GALNT1: variants seen among roughly 807,000 people sequenced by gnomAD.
The protein encoded by GALNT1 is GalNAc transferase 1.
GALNT1 carries 17 observed loss-of-function variants against 65.7 expected under a neutral mutation model. The ratio of observed to expected loss-of-function variants is 0.26; its 90% CI spans 0.18 to 0.39. The LOEUF is 0.39. Ranked by LOEUF, GALNT1 falls within the 10% of genes least tolerant of loss-of-function variation. The probability of loss-of-function intolerance (pLI) is 1.00; values close to 1 mark genes in which losing one functional copy is unlikely to be tolerated. For synonymous variants in GALNT1, 210 were observed against 219.7 expected, an observed-to-expected ratio of 0.96 and a Z score of 0.39; for missense variants, 460 against 672.8, an observed-to-expected ratio of 0.68 and a Z score of 3.50.
At chr18:35,604,023 C>A (rs1359074957) in intron 1 of GALNT1, among the ~76,000 whole-genome samples, 2 of 152,052 alleles carry the variant, frequency 1.3e-5, no homozygotes, top group Non-Finnish European at 2.9e-5. Context: ...TCTTTCATCA[C>A]CCATGTAGTG....
intron 3 of GALNT1, among the ~76,000 whole-genome samples, chr18:35,670,127 C>CA (rs1288720646): frequency 6.6e-6 from 1 of 151,850 alleles, no homozygotes; most frequent in Non-Finnish European, 1.5e-5. Flanking sequence ...CCCATCTCTA[C>CA]AAAAAAATTA....
chr18:35,673,030 C>A (rs761711954), intron 3 of GALNT1, among the ~76,000 whole-genome samples: 9 of 152,136 alleles, frequency 5.9e-5, no homozygotes, highest in Non-Finnish European at 8.8e-5. Context: ...AATCACTATG[C>A]TTTGCCCTTA....
At chr18:35,585,739 G>A (rs1438337714) in intron 1 of GALNT1, among the ~76,000 whole-genome samples, 1 of 152,150 alleles carries the variant, frequency 6.6e-6, no homozygotes, top group African/African-American at 2.4e-5. Flanking sequence ...TTTTGGAATT[G>A]GCTTTATTCA....
chr18:35,654,543 CCTTT>C lies in GALNT1; in HGVS notation c.-103-10_-103-7del, dbSNP rs959062412. The C allele has an allele frequency of 2.6e-5, 10 of 389,552 alleles. No individual in the cohort carries two copies. Among genetic ancestry groups the C allele is most frequent in the South Asian group, 1.3e-4 (1 of 7,868 alleles). The allele number at this position is 389,552 out of a possible 1,614,324, so 24.1% of individuals were successfully genotyped here. On this transcript the variant is annotated splice_polypyrimidine_tract_variant and intron_variant, in intron 1 of 11. Coordinates refer to ENST00000269195, the MANE Select transcript of GALNT1 (RefSeq NM_020474.4). The stretch of plus-strand genomic sequence containing the variant: ...CTGAATTTTTAAGTTAATCTTTTTT[CCTTT>C]CTTTCTCTATAGGGTATGAACGTGA...
intron 7 of GALNT1, 88 bp from the exon 8 acceptor site, chr18:35,690,924 T>C (rs1598807424): frequency 1.6e-6 from 2 of 1,254,400 alleles, no homozygotes; most frequent in South Asian, 3.5e-5. Flanking sequence ...CCCTATTTAA[T>C]TGAAAAGAAA....
chr18:35,666,681 A>G (rs1466375339), intron 3 of GALNT1, among the ~76,000 whole-genome samples: 6 of 152,190 alleles, frequency 3.9e-5, no homozygotes, highest in Admixed American at 6.5e-5. Flanking sequence ...GTAAGTCACC[A>G]GTTTTTGGAC....
At chr18:35,703,681 G>T in intron 11 of GALNT1, 38 bp downstream of exon 11, 1 of 1,596,948 alleles carries the variant, frequency 6.3e-7, no homozygotes, top group Non-Finnish European at 8.6e-7. Flanking sequence ...AAAATTATGT[G>T]TGTCACTGGG....
chr18:35,615,027 G>T (rs1414241675), intron 1 of GALNT1, among the ~76,000 whole-genome samples: 7 of 151,918 alleles, frequency 4.6e-5, no homozygotes, highest in African/African-American at 9.7e-5. Flanking sequence ...CAATTAATCT[G>T]TCTTTAATAT....
At chr18:35,679,929 G>T (rs1190040875) in intron 4 of GALNT1, among the ~76,000 whole-genome samples, 1 of 152,112 alleles carries the variant, frequency 6.6e-6, no homozygotes, top group Non-Finnish European at 1.5e-5. Flanking sequence ...AGACTAACTA[G>T]TCAAACTAAT....
At chr18:35,617,890 A>C (rs1245134019) in intron 1 of GALNT1, among the ~76,000 whole-genome samples, 12 of 152,200 alleles carry the variant, frequency 7.9e-5, no homozygotes, top group Admixed American at 7.9e-4. Flanking sequence ...AAAAATAAAA[A>C]CAATACCTAT....
upstream of GALNT1, chr18:35,581,035 C>G (rs2046305450): frequency 2.0e-5 from 3 of 152,102 alleles, no homozygotes; most frequent in Non-Finnish European, 4.4e-5. Context: ...CCCGGGCCTC[C>G]TGCATCGCGG....
At chr18:35,604,433 T>A (rs188747557) in intron 1 of GALNT1, among the ~76,000 whole-genome samples, 3 of 152,342 alleles carry the variant, frequency 2.0e-5, no homozygotes, top group Non-Finnish European at 4.4e-5. Context: ...TTTGAATACA[T>A]ACCCAGTAAT....
chr18:35,702,155 T>C (rs1411358293), intron 9 of GALNT1, among the ~76,000 whole-genome samples: 1 of 152,196 alleles, frequency 6.6e-6, no homozygotes, highest in Non-Finnish European at 1.5e-5. Context: ...TTTTTGTGGT[T>C]TTAACTTTAC....
At position 35,603,823 on chromosome 18, in the gene GALNT1, C is replaced by A. The variant is rs147055683; in HGVS notation, c.-104+21961C>A. Among the ~76,000 whole-genome samples, 859 of 152,228 alleles carry A rather than the reference C, an allele frequency of 5.6e-3. 18 individuals are homozygous for A. The East Asian group carries it at 0.065, about 12-fold the overall frequency. ...GCCAGTAAATTTCCTCGTGTTTAAG[C>A]AGTTTGAGGTGGAATTTCTGATCTC... On this transcript the variant is annotated intron_variant, in intron 1 of 11. Transcript: ENST00000269195.
chr18:35,589,750 A>G (rs970137671), intron 1 of GALNT1, among the ~76,000 whole-genome samples: 1 of 152,226 alleles, frequency 6.6e-6, no homozygotes, highest in African/African-American at 2.4e-5. Flanking sequence ...TCTTCCTGGA[A>G]TTGAATATCC....
intron 1 of GALNT1, among the ~76,000 whole-genome samples, chr18:35,622,540 A>G (rs887122915): frequency 3.3e-5 from 5 of 152,202 alleles, no homozygotes; most frequent in Non-Finnish European, 7.3e-5. Flanking sequence ...GCATGAGCCA[A>G]AGCACCTGGC....
chr18:35,635,258 A>G (rs541810901), intron 1 of GALNT1, among the ~76,000 whole-genome samples: 1 of 152,340 alleles, frequency 6.6e-6, no homozygotes, highest in East Asian at 1.9e-4. Context: ...TAGCCAGAGA[A>G]GCACACAAGT....
At chr18:35,677,065 C>G (rs984778869) in intron 3 of GALNT1, among the ~76,000 whole-genome samples, 3 of 152,144 alleles carry the variant, frequency 2.0e-5, no homozygotes, top group African/African-American at 7.2e-5. Context: ...TCTGTTGCCT[C>G]CTCGCTATCC....
intron 1 of GALNT1, among the ~76,000 whole-genome samples, chr18:35,591,517 C>G (rs1041476252): frequency 6.6e-6 from 1 of 152,284 alleles, no homozygotes; most frequent in East Asian, 1.9e-4. Context: ...ACAGGTAAAC[C>G]TGTCCCCATG....
Sources: gnomAD v4.1 joint callset for allele counts (sites outside exome capture counted in the v4.1 genomes callset) on GRCh38, gnomAD v4.1.1 for gene constraint, MANE v1.5 for transcripts, NCBI Gene and HGNC (gene_info 2026-07-23, HGNC 2026-07-21) for gene names.